ENOX1: variants seen among roughly 807,000 people sequenced by gnomAD.
ENOX1 encodes candidate growth-related and time keeping constitutive hydroquinone (NADH) oxidase.
A neutral mutation model predicts 82.5 loss-of-function variants in ENOX1; 42 were observed. The observed-to-expected ratio is 0.51, with a 90% CI of 0.40 to 0.66. The LOEUF is 0.66. Ranked by LOEUF, ENOX1 falls within the 30% of genes least tolerant of loss-of-function variation. The pLI, the probability that ENOX1 is intolerant of heterozygous loss-of-function variation, is 0.00. For synonymous variants in ENOX1, 271 were observed against 282.2 expected (o/e 0.96, Z 0.40); for missense variants, 608 against 811.6 (o/e 0.75, Z 3.05).
intron 1 of ENOX1, among the ~76,000 whole-genome samples, chr13:43,706,219 G>T (rs2087277546): frequency 6.6e-6 from 1 of 151,956 alleles, no homozygotes; most frequent in African/African-American, 2.4e-5. Flanking sequence ...AATGATCTAT[G>T]CTACCAAGTT....
At chr13:43,271,673 A>G (rs2044691858) in intron 12 of ENOX1, among the ~76,000 whole-genome samples, 1 of 151,912 alleles carries the variant, frequency 6.6e-6, no homozygotes, top group Non-Finnish European at 1.5e-5. Flanking sequence ...TAAAACACAC[A>G]CACACACACA....
intron 5 of ENOX1, among the ~76,000 whole-genome samples, chr13:43,403,038 T>C (rs2053585397): frequency 1.3e-5 from 2 of 152,062 alleles, no homozygotes; most frequent in South Asian, 4.1e-4. Context: ...AAATTATATA[T>C]TATAGATTAT....
intron 2 of ENOX1, among the ~76,000 whole-genome samples, chr13:43,493,149 T>TC (rs1471381897): frequency 9.2e-5 from 14 of 151,808 alleles, no homozygotes; most frequent in Non-Finnish European, 1.6e-4. Context: ...TCTCTCTCTC[T>TC]CCCCCCTCCC....
chr13:43,538,646 C>T (rs2078570863), intron 2 of ENOX1, among the ~76,000 whole-genome samples: 2 of 152,056 alleles, frequency 1.3e-5, no homozygotes, highest in African/African-American at 2.4e-5. Context: ...GGATTTTGTA[C>T]TTATTTGACA....
intron 1 of ENOX1, among the ~76,000 whole-genome samples, chr13:43,731,460 G>A (rs371798848): frequency 3.3e-5 from 5 of 151,232 alleles, no homozygotes; most frequent in African/African-American, 9.7e-5. Context: ...ATAGCCACCT[G>A]TTTTCACTCA....
At chr13:43,764,970 A>G (rs1951185213) in intron 1 of ENOX1, among the ~76,000 whole-genome samples, 1 of 152,244 alleles carries the variant, frequency 6.6e-6, no homozygotes, top group Non-Finnish European at 1.5e-5. Context: ...GGGGTTGATT[A>G]AAATGACATT....
At chr13:43,351,379 G>A (rs1385620957) in intron 8 of ENOX1, among the ~76,000 whole-genome samples, 4 of 151,332 alleles carry the variant, frequency 2.6e-5, no homozygotes, top group Non-Finnish European at 4.4e-5. Flanking sequence ...CTTTAGGGTC[G>A]AGCAAAATAT....
At chr13:43,422,990 A>G (rs928422540) in intron 3 of ENOX1, among the ~76,000 whole-genome samples, 1 of 152,186 alleles carries the variant, frequency 6.6e-6, no homozygotes, top group African/African-American at 2.4e-5. Flanking sequence ...ATATGTAGGG[A>G]TTGGTACCAT....
intron 16 of ENOX1, among the ~76,000 whole-genome samples, chr13:43,218,120 T>A (rs891164803): frequency 2.1e-4 from 32 of 152,326 alleles, no homozygotes; most frequent in African/African-American, 7.7e-4. Context: ...GGATTTGAAA[T>A]CCTCGTAATT....
At chr13:43,262,512 C>T (rs2044131756) in intron 14 of ENOX1, among the ~76,000 whole-genome samples, 1 of 152,172 alleles carries the variant, frequency 6.6e-6, no homozygotes, top group African/African-American at 2.4e-5. Flanking sequence ...GCCAAAAGTC[C>T]TGTCTGCTAT....
At chr13:43,662,258 C>T (rs1166622530) in intron 2 of ENOX1, among the ~76,000 whole-genome samples, 2 of 152,134 alleles carry the variant, frequency 1.3e-5, no homozygotes, top group Non-Finnish European at 2.9e-5. Flanking sequence ...CTTTTGAGCT[C>T]AGTGGCAACA....
At chr13:43,601,941 A>G (rs1020003962) in intron 2 of ENOX1, among the ~76,000 whole-genome samples, 2 of 152,198 alleles carry the variant, frequency 1.3e-5, no homozygotes, top group South Asian at 2.1e-4. Flanking sequence ...CTAGAATAGT[A>G]TATCCAGTGA....
At chr13:43,443,920 C>A (rs916902954) in intron 3 of ENOX1, among the ~76,000 whole-genome samples, 2 of 152,148 alleles carry the variant, frequency 1.3e-5, no homozygotes, top group African/African-American at 4.8e-5. Flanking sequence ...TAACAAGAAG[C>A]AAAAATTACA....
At chr13:43,336,153 T>C (rs1353696794) in intron 9 of ENOX1, among the ~76,000 whole-genome samples, 1 of 152,188 alleles carries the variant, frequency 6.6e-6, no homozygotes, top group African/African-American at 2.4e-5. Context: ...GCAGGGGACA[T>C]AGAAGCCAAA....
intron 1 of ENOX1, among the ~76,000 whole-genome samples, chr13:43,753,203 TA>T (rs1255937759): frequency 3.9e-5 from 6 of 152,184 alleles, no homozygotes; most frequent in African/African-American, 1.2e-4. Flanking sequence ...CTTTTCAATT[TA>T]AAAACTGCTG....
chr13:43,585,467 T>C (rs1433093097), intron 2 of ENOX1, among the ~76,000 whole-genome samples: 1 of 152,244 alleles, frequency 6.6e-6, no homozygotes, highest in Non-Finnish European at 1.5e-5. Context: ...TCTTGGTCTA[T>C]AGCACCACCT....
intron 2 of ENOX1, among the ~76,000 whole-genome samples, chr13:43,514,323 A>ATATTTC (rs1408998877): frequency 6.6e-6 from 1 of 152,202 alleles, no homozygotes; most frequent in Non-Finnish European, 1.5e-5. Context: ...AGAAGCAATT[A>ATATTTC]TATTTCAGGA....
At chr13:43,351,296 C>A (rs1297955565) in intron 8 of ENOX1, among the ~76,000 whole-genome samples, 1 of 152,202 alleles carries the variant, frequency 6.6e-6, no homozygotes, top group East Asian at 1.9e-4. Context: ...CACATGCAAT[C>A]TCCTTAACTA....
intron 2 of ENOX1, among the ~76,000 whole-genome samples, chr13:43,589,896 C>CAAA (rs56787803): frequency 1.9e-4 from 21 of 108,866 alleles, no homozygotes; most frequent in African/African-American, 6.2e-4. Flanking sequence ...GTCTATTCTG[C>CAAA]AAAAAAAAAA....
Sources: allele counts gnomAD v4.1 joint callset (sites outside exome capture counted in the v4.1 genomes callset), GRCh38; gene constraint gnomAD v4.1.1; transcripts MANE v1.5; gene names NCBI Gene and HGNC (gene_info 2026-07-23, HGNC 2026-07-21).